Variants in NCOA2 observed in about 807,000 individuals in gnomAD.
NCOA2 encodes nuclear receptor coactivator 2.
NCOA2 carries 21 observed loss-of-function variants against 145.1 expected under a neutral mutation model. That is an observed-to-expected ratio of 0.14 (90% CI 0.10 to 0.21). NCOA2 has a LOEUF of 0.21. Ranked by LOEUF, NCOA2 falls within the 10% of genes least tolerant of loss-of-function variation. NCOA2 has a pLI of 1.00. For synonymous variants in NCOA2, 619 were observed against 637.5 expected (o/e 0.97, Z 0.44); for missense variants, 1,472 against 1,837.6 (o/e 0.80, Z 3.64).
intron 2 of NCOA2, among the ~76,000 whole-genome samples, chr8:70,238,966 T>C (rs745651851): frequency 2.6e-5 from 4 of 152,134 alleles, no homozygotes; most frequent in Non-Finnish European, 4.4e-5. Context: ...AAACAATAGA[T>C]TTTTGTGTCT....
intron 1 of NCOA2, among the ~76,000 whole-genome samples, chr8:70,342,911 A>AGGTAGATTC (rs1808283077): frequency 6.6e-6 from 1 of 151,988 alleles, no homozygotes; most frequent in Non-Finnish European, 1.5e-5. Flanking sequence ...ATGCTGTTTA[A>AGGTAGATTC]CACATACAAA....
intron 1 of NCOA2, among the ~76,000 whole-genome samples, chr8:70,360,894 CA>C (rs1284737137): frequency 1.4e-5 from 2 of 147,448 alleles, no homozygotes; most frequent in East Asian, 4.0e-4. Context: ...GCCAAGATCA[CA>C]CCACTGCACT....
intron 1 of NCOA2, among the ~76,000 whole-genome samples, chr8:70,391,649 T>C (rs181980351): frequency 4.8e-4 from 73 of 152,314 alleles, no homozygotes; most frequent in Non-Finnish European, 7.3e-5. Flanking sequence ...CCAAAATTGA[T>C]AGAACAATTG....
chr8:70,167,218 T>C (rs566021161), intron 6 of NCOA2, among the ~76,000 whole-genome samples: 10 of 152,232 alleles, frequency 6.6e-5, no homozygotes, highest in Non-Finnish European at 1.5e-4. Context: ...GCACCAAATG[T>C]AGTGCACGTT....
intron 1 of NCOA2, among the ~76,000 whole-genome samples, chr8:70,380,290 G>A (rs932580843): frequency 4.6e-5 from 7 of 152,132 alleles, no homozygotes; most frequent in Non-Finnish European, 1.0e-4. Context: ...TTTGTAAGAT[G>A]AGATCCTACT....
chr8:70,417,274 C>A, the NCOA2 span, among the ~76,000 whole-genome samples: 1 of 105,796 alleles, frequency 9.5e-6, no homozygotes, highest in African/African-American at 5.3e-5. Context: ...AAAGGCCAGG[C>A]GCAGGGGCTC....
chr8:70,278,329 T>C (rs1229909138), intron 2 of NCOA2, among the ~76,000 whole-genome samples: 1 of 152,198 alleles, frequency 6.6e-6, no homozygotes, highest in East Asian at 1.9e-4. Flanking sequence ...GTTTGGACTG[T>C]TTTTATTTTG....
intron 1 of NCOA2, among the ~76,000 whole-genome samples, chr8:70,318,015 T>G (rs1805747646): frequency 6.6e-6 from 1 of 152,166 alleles, no homozygotes. Flanking sequence ...CACTTAAAAC[T>G]AGTTGACAAA....
intron 2 of NCOA2, among the ~76,000 whole-genome samples, chr8:70,274,289 G>A (rs1326927923): frequency 6.6e-6 from 1 of 151,808 alleles, no homozygotes; most frequent in East Asian, 1.9e-4. Context: ...AAAGTGCTTG[G>A]TGGTTCTCTG....
chr8:70,454,485 C>T, the NCOA2 span, among the ~76,000 whole-genome samples: 5 of 152,188 alleles, frequency 3.3e-5, no homozygotes, highest in Non-Finnish European at 7.4e-5. Context: ...TCCCTAACTC[C>T]TAAAAATCTT....
chr8:70,203,578 GA>G (rs1182150667), intron 4 of NCOA2, among the ~76,000 whole-genome samples: 9 of 143,920 alleles, frequency 6.3e-5, no homozygotes, highest in Admixed American at 1.4e-4. Context: ...GACCTCAACT[GA>G]AAAAAAAAAG....
intron 1 of NCOA2, among the ~76,000 whole-genome samples, chr8:70,337,200 A>T (rs1165598711): frequency 2.1e-5 from 3 of 146,226 alleles, no homozygotes; most frequent in African/African-American, 7.5e-5. Flanking sequence ...ACTGCTGAGG[A>T]GTGTGTGTGT....
chr8:70,290,484 G>A (rs1046543046), intron 2 of NCOA2, among the ~76,000 whole-genome samples: 4 of 151,908 alleles, frequency 2.6e-5, no homozygotes, highest in Admixed American at 6.6e-5. Flanking sequence ...CAACGCGCCC[G>A]GCCTATTTCC....
At chr8:70,387,042 C>CTT (rs1812734656) in intron 1 of NCOA2, among the ~76,000 whole-genome samples, 1 of 152,188 alleles carries the variant, frequency 6.6e-6, no homozygotes. Context: ...TCCCAAGTAG[C>CTT]TGGGTTAATT....
At chr8:70,201,906 A>G (rs1817934801) in intron 4 of NCOA2, among the ~76,000 whole-genome samples, 1 of 152,182 alleles carries the variant, frequency 6.6e-6, no homozygotes, top group Non-Finnish European at 1.5e-5. Flanking sequence ...ATCTGCCTCA[A>G]AGAATCCTCC....
chr8:70,377,272 C>T (rs1312830256), intron 1 of NCOA2, among the ~76,000 whole-genome samples: 1 of 151,102 alleles, frequency 6.6e-6, no homozygotes, highest in Non-Finnish European at 1.5e-5. Flanking sequence ...TTTTTAAAAA[C>T]TTATATTTCC....
chr8:70,157,342 CA>C, intron 10 of NCOA2, 102 bp from the exon 11 acceptor site: 2 of 1,024,602 alleles, frequency 2.0e-6, no homozygotes, highest in Non-Finnish European at 2.8e-6. Flanking sequence ...CTTAAAAGAA[CA>C]GGCTACATTT....
At chr8:70,250,918 T>C (rs536294748) in intron 2 of NCOA2, among the ~76,000 whole-genome samples, 3 of 152,350 alleles carry the variant, frequency 2.0e-5, no homozygotes, top group African/African-American at 7.2e-5. Context: ...AAATAATTTA[T>C]ATGTTAAATA....
chr8:70,210,555 C>A (rs1253514847), intron 4 of NCOA2, among the ~76,000 whole-genome samples: 1 of 152,186 alleles, frequency 6.6e-6, no homozygotes, highest in Admixed American at 6.5e-5. Flanking sequence ...TAAAGCGCTA[C>A]GTACAACAGA....
Sources: allele counts gnomAD v4.1 joint callset (sites outside exome capture counted in the v4.1 genomes callset), GRCh38; gene constraint gnomAD v4.1.1; transcripts MANE v1.5; gene names NCBI Gene and HGNC (gene_info 2026-07-23, HGNC 2026-07-21).